C14orf132: variants seen among roughly 807,000 people sequenced by gnomAD.
C14orf132 encodes chromosome 14 open reading frame 132, also known as uncharacterized protein C14orf132.
C14orf132 carries 6 observed loss-of-function variants against 5.8 expected under a neutral mutation model. That is an observed-to-expected ratio of 1.03 (90% CI 0.57 to 2.04). The LOEUF (loss-of-function observed/expected upper bound fraction) is 2.04. Ranked by LOEUF, C14orf132 falls within the 30% of genes most tolerant of loss-of-function variation. The pLI, the probability that C14orf132 is intolerant of heterozygous loss-of-function variation, is 0.00. For synonymous variants in C14orf132, 51 were observed against 49.8 expected, an observed-to-expected ratio of 1.02 and a Z score of -0.10; for missense variants, 125 against 115.8, an observed-to-expected ratio of 1.08 and a Z score of -0.37.
At chr14:96,048,279 A>G (rs1225656455) in intron 1 of C14orf132, among the ~76,000 whole-genome samples, 1 of 152,210 alleles carries the variant, frequency 6.6e-6, no homozygotes, top group African/African-American at 2.4e-5. Context: ...CAAAAGTATA[A>G]TGACGTGGAT....
chr14:96,075,687 G>T (rs1887842501), intron 1 of C14orf132, among the ~76,000 whole-genome samples: 1 of 152,124 alleles, frequency 6.6e-6, no homozygotes, highest in African/African-American at 2.4e-5. Context: ...TGATATGATT[G>T]TTTTGTTTCT....
Position 96,092,571 on chromosome 14 carries a change from A to G in C14orf132, c.*5836A>G, listed in dbSNP as rs1566841755. ...CAGTTTCTTAAAGAACCACACCATT[A>G]CTGCGTTTGCCGTTCGAAGCGTTGT... is the stretch of plus-strand genomic sequence containing the variant. On this transcript the variant is annotated 3_prime_UTR_variant, in exon 2 of 2. Coordinates refer to ENST00000555004, the MANE Select transcript of C14orf132 (RefSeq NM_001252507.3). The G allele has an allele frequency of 6.6e-6, 1 of 152,104 alleles. No homozygotes were observed. Among genetic ancestry groups the G allele is most frequent in the Non-Finnish European group, 1.5e-5 (1 of 68,016 alleles). The allele number at this position is 152,104 out of a possible 1,614,324, so 9.4% of individuals were successfully genotyped here.
chr14:96,049,091 A>AT (rs1435424789), intron 1 of C14orf132, among the ~76,000 whole-genome samples: 2 of 151,614 alleles, frequency 1.3e-5, no homozygotes, highest in Non-Finnish European at 2.9e-5. Context: ...TATCCAGCTA[A>AT]TTTTTTGTAT....
chr14:96,051,559 T>C (rs1046569559), intron 1 of C14orf132, among the ~76,000 whole-genome samples: 1 of 152,156 alleles, frequency 6.6e-6, no homozygotes, highest in African/African-American at 2.4e-5. Flanking sequence ...ATTAGAAATA[T>C]ATTAAGACTT....
Position 96,086,678 on chromosome 14 carries a change from C to G in C14orf132, c.195C>G (p.Ile65Met). The change falls in exon 2 of 2, where the codon ATC becomes ATG. Residue 65 changes from isoleucine to methionine, a missense_variant. Ile to Met is a conservative substitution (Grantham distance 10). Coordinates refer to ENST00000555004, the MANE Select transcript of C14orf132 (RefSeq NM_001252507.3). Reference sequence around the variant, plus strand: ...ACGCCGTCTTGCTATGGATTGCCATCATAGCTACGCTGGGGAACATCGTGG... The same window carrying G: ...ACGCCGTCTTGCTATGGATTGCCATGATAGCTACGCTGGGGAACATCGTGG... ...SNDAVLLWIA[I>M]IATLGNIVVV... 1 of 1,536,206 alleles carries G rather than the reference C, an allele frequency of 6.5e-7. No individual in the cohort carries two copies. The highest frequency in any genetic ancestry group is 8.7e-7 in the Non-Finnish European group (1 of 1,146,918).
intron 1 of C14orf132, among the ~76,000 whole-genome samples, chr14:96,080,158 T>C (rs1887988009): frequency 6.6e-6 from 1 of 152,152 alleles, no homozygotes; most frequent in South Asian, 2.1e-4. Context: ...TCAGCCTTCT[T>C]AGTATTGGGC....
At chr14:96,063,345 G>A (rs753531920) in intron 1 of C14orf132, among the ~76,000 whole-genome samples, 18 of 152,242 alleles carry the variant, frequency 1.2e-4, no homozygotes, top group Admixed American at 2.6e-4. Context: ...GTCTCGCTCT[G>A]TCACCCAGGC....
At chr14:96,045,143 T>A (rs1886797597) in intron 1 of C14orf132, among the ~76,000 whole-genome samples, 1 of 152,184 alleles carries the variant, frequency 6.6e-6, no homozygotes, top group African/African-American at 2.4e-5. Flanking sequence ...AGAAAATGTT[T>A]CCTGTGTGCC....
intron 1 of C14orf132, among the ~76,000 whole-genome samples, chr14:96,084,358 C>T (rs1775319646): frequency 1.3e-5 from 2 of 152,216 alleles, no homozygotes; most frequent in South Asian, 4.2e-4. Context: ...GCTTCTCACA[C>T]TGAGCCTGCT....
chr14:96,078,782 G>A (rs936543515), intron 1 of C14orf132, among the ~76,000 whole-genome samples: 1 of 152,218 alleles, frequency 6.6e-6, no homozygotes, highest in African/African-American at 2.4e-5. Context: ...TCACGGTCCT[G>A]CAGTCCTGCC....
At chr14:96,069,023 C>G (rs750944019) in intron 1 of C14orf132, among the ~76,000 whole-genome samples, 84 of 151,634 alleles carry the variant, frequency 5.5e-4, no homozygotes, top group Non-Finnish European at 1.0e-3. Flanking sequence ...GGTTTTACCC[C>G]CTCAGCTCCT....
Position 96,039,505 on chromosome 14 carries a change from A to C in C14orf132, c.5A>C (p.Asp2Ala). The change falls in exon 1 of 2, where the codon GAT (aspartate) becomes GCT (alanine). Residue 2 changes from aspartate (D) to alanine (A), a missense_variant. Transcript: ENST00000555004. The surrounding 1 kb of genome is among the most constrained non-coding windows in gnomAD (Gnocchi z 5.3). ...AGCGCTGGCTGCAGCGACACCATGG[A>C]TCTCTCCTTTATGGCCGCGCAGGTA... is the stretch of plus-strand genomic sequence containing the variant. Reference protein sequence around the residue: MDLSFMAAQLPM... With the variant: MALSFMAAQLPM... 6.7e-7 allele frequency: 1 copy of C among 1,501,522 alleles called. No homozygotes were observed. Among genetic ancestry groups the C allele is most frequent in the Non-Finnish European group, 8.9e-7 (1 of 1,129,222 alleles). The allele number at this position is 1,501,522 out of a possible 1,614,324, so 93.0% of individuals were successfully genotyped here. A position where few individuals can be genotyped will look rare whatever the true frequency, so the allele number is the denominator to read the frequency against.
intron 1 of C14orf132, among the ~76,000 whole-genome samples, chr14:96,057,316 C>G (rs1470725794): frequency 5.3e-5 from 8 of 152,212 alleles, no homozygotes. Flanking sequence ...CAGCAAGGCA[C>G]AAAAGCAGAG....
chr14:96,051,336 C>A (rs1036110568), intron 1 of C14orf132: 5 of 397,004 alleles, frequency 1.3e-5, no homozygotes, highest in Non-Finnish European at 2.2e-5. Flanking sequence ...GAGATGGGTT[C>A]TTTAGGCCTC....
intron 1 of C14orf132, among the ~76,000 whole-genome samples, chr14:96,058,567 G>T (rs1887249522): frequency 6.6e-6 from 1 of 152,126 alleles, no homozygotes; most frequent in Non-Finnish European, 1.5e-5. Flanking sequence ...GTTTTTAATT[G>T]AAGTTAACAT....
chr14:96,078,175 A>G (rs1248893315), intron 1 of C14orf132, among the ~76,000 whole-genome samples: 3 of 152,238 alleles, frequency 2.0e-5, no homozygotes, highest in African/African-American at 7.2e-5. Context: ...CACTCTTCAG[A>G]CCATGGGGCC....
chr14:96,048,248 T>G (rs1362215356), intron 1 of C14orf132, among the ~76,000 whole-genome samples: 1 of 152,182 alleles, frequency 6.6e-6, no homozygotes, highest in Non-Finnish European at 1.5e-5. Context: ...CTCTTGGTGT[T>G]GTACATTCTG....
chr14:96,044,317 G>T (rs1247935784), intron 1 of C14orf132, among the ~76,000 whole-genome samples: 1 of 152,170 alleles, frequency 6.6e-6, no homozygotes, highest in Non-Finnish European at 1.5e-5. Flanking sequence ...GGGGCTACAG[G>T]CACATGCCAC....
intron 1 of C14orf132, among the ~76,000 whole-genome samples, chr14:96,068,737 C>T (rs1187847807): frequency 6.6e-6 from 1 of 152,142 alleles, no homozygotes; most frequent in African/African-American, 2.4e-5. Flanking sequence ...TTAGCATGTG[C>T]TGTGCTCCAG....
Sources: allele counts gnomAD v4.1 joint callset (sites outside exome capture counted in the v4.1 genomes callset), GRCh38; gene constraint gnomAD v4.1.1; non-coding constraint Gnocchi (gnomAD v3.1); transcripts MANE v1.5; gene names NCBI Gene and HGNC (gene_info 2026-07-23, HGNC 2026-07-21).